SLC20A2: variants seen among roughly 807,000 people sequenced by gnomAD.
SLC20A2 encodes solute carrier family 20 member 2, also known as sodium-dependent phosphate transporter 2.
A neutral mutation model predicts 61.0 loss-of-function variants in SLC20A2; 30 were observed. That is an observed-to-expected ratio of 0.49 (90% confidence interval 0.37 to 0.67). The LOEUF (loss-of-function observed/expected upper bound fraction) is 0.67. Among genes scored for constraint, SLC20A2 ranks in the 30% least tolerant of loss-of-function variants. The probability of loss-of-function intolerance (pLI) is 0.00; values close to 1 mark genes in which losing one functional copy is unlikely to be tolerated. For synonymous variants in SLC20A2, 351 were observed against 353.3 expected (o/e 0.99, Z 0.07); for missense variants, 626 against 866.4 (o/e 0.72, Z 3.48).
At chr8:42,448,159 A>G (rs1805377244) in intron 5 of SLC20A2, among the ~76,000 whole-genome samples, 1 of 152,222 alleles carries the variant, frequency 6.6e-6, no homozygotes, top group South Asian at 2.1e-4. Flanking sequence ...GATCCCACGC[A>G]TGGCTTCAAA....
intron 1 of SLC20A2, among the ~76,000 whole-genome samples, chr8:42,499,110 C>T (rs1305465984): frequency 6.6e-6 from 1 of 152,170 alleles, no homozygotes; most frequent in East Asian, 1.9e-4. Context: ...AACAGGACTG[C>T]AGGGGAGACG....
intron 1 of SLC20A2, among the ~76,000 whole-genome samples, chr8:42,517,524 C>T (rs1407569948): frequency 6.6e-6 from 1 of 151,870 alleles, no homozygotes; most frequent in East Asian, 1.9e-4. Flanking sequence ...CAGCAAGAGC[C>T]CCTTTGAAAA....
intron 5 of SLC20A2, among the ~76,000 whole-genome samples, chr8:42,453,411 A>C (rs112265444): frequency 0.016 from 2,446 of 152,336 alleles, 26 homozygotes; most frequent in Non-Finnish European, 0.028. Flanking sequence ...AGTCATGTCA[A>C]ATGTAAAGTA....
intron 1 of SLC20A2, among the ~76,000 whole-genome samples, chr8:42,487,935 T>A (rs2131300835): frequency 6.6e-6 from 1 of 152,242 alleles, no homozygotes; most frequent in South Asian, 2.1e-4. Context: ...CCACCAACAT[T>A]CTACCCTTAG....
intron 10 of SLC20A2, among the ~76,000 whole-genome samples, chr8:42,419,260 A>G (rs1802884955): frequency 6.6e-6 from 1 of 151,988 alleles, no homozygotes; most frequent in African/African-American, 2.4e-5. Flanking sequence ...AATGTTTATG[A>G]CGATGGCTAT....
intron 8 of SLC20A2, among the ~76,000 whole-genome samples, chr8:42,436,053 T>C (rs953411173): frequency 6.6e-6 from 1 of 151,772 alleles, no homozygotes; most frequent in South Asian, 2.1e-4. Context: ...GAGAAGGAGG[T>C]TGCAGTGAGC....
chr8:42,435,685 C>T (rs1452830565), intron 8 of SLC20A2, among the ~76,000 whole-genome samples: 1 of 152,206 alleles, frequency 6.6e-6, no homozygotes, highest in Non-Finnish European at 1.5e-5. Flanking sequence ...TCCCTACACA[C>T]TCATTTGCAG....
chr8:42,510,363 C>A (rs1024266462), intron 1 of SLC20A2, among the ~76,000 whole-genome samples: 1 of 152,148 alleles, frequency 6.6e-6, no homozygotes, highest in Admixed American at 6.5e-5. Context: ...GGCTTATTGT[C>A]AATTCTGTAT....
At chr8:42,525,964 A>C (rs1811906764) in intron 1 of SLC20A2, among the ~76,000 whole-genome samples, 1 of 152,182 alleles carries the variant, frequency 6.6e-6, no homozygotes. Flanking sequence ...AAAGAAATGG[A>C]GGAGATAGAT....
intron 1 of SLC20A2, among the ~76,000 whole-genome samples, chr8:42,511,496 G>A (rs564471408): frequency 5.9e-5 from 9 of 152,062 alleles, no homozygotes; most frequent in South Asian, 2.1e-4. Context: ...GCGTGGTAGC[G>A]GGTGCCTGTA....
intron 4 of SLC20A2, among the ~76,000 whole-genome samples, chr8:42,461,609 C>T (rs2131167325): frequency 6.6e-6 from 1 of 152,098 alleles, no homozygotes; most frequent in Middle Eastern, 3.4e-3. Flanking sequence ...CACCACCATG[C>T]CGGGCTAACT....
intron 2 of SLC20A2, among the ~76,000 whole-genome samples, chr8:42,467,111 C>T (rs1299484743): frequency 3.9e-5 from 6 of 152,114 alleles, no homozygotes; most frequent in Non-Finnish European, 8.8e-5. Context: ...TGAGCCACTG[C>T]ACCCAGCCCA....
At chr8:42,451,453 GGAGGAA>G (rs1169922955) in intron 5 of SLC20A2, among the ~76,000 whole-genome samples, 1 of 150,190 alleles carries the variant, frequency 6.7e-6, no homozygotes, top group Non-Finnish European at 1.5e-5. Context: ...AAAAGATGGA[GGAGGAA>G]GAGGAAGAGA....
intron 8 of SLC20A2, among the ~76,000 whole-genome samples, chr8:42,436,559 C>A (rs1202477620): frequency 2.0e-5 from 3 of 152,180 alleles, no homozygotes; most frequent in Admixed American, 2.0e-4. Context: ...GCTCCCCTCT[C>A]GAGGCGAGGC....
chr8:42,474,979 G>C (rs1031602584), intron 1 of SLC20A2, among the ~76,000 whole-genome samples: 1 of 152,052 alleles, frequency 6.6e-6, no homozygotes, highest in African/African-American at 2.4e-5. Context: ...GGGAAGGAGG[G>C]GCCAGGAGGC....
intron 5 of SLC20A2, among the ~76,000 whole-genome samples, chr8:42,454,104 T>C (rs370124517): frequency 2.0e-5 from 3 of 152,168 alleles, no homozygotes; most frequent in African/African-American, 7.2e-5. Context: ...ACTAGGTTCA[T>C]GCCATTCTCC....
At chr8:42,539,096 C>T (rs1812890959) in intron 1 of SLC20A2, among the ~76,000 whole-genome samples, 1 of 152,144 alleles carries the variant, frequency 6.6e-6, no homozygotes. Flanking sequence ...CTCTCAACTC[C>T]TCCCCTCCCC....
chr8:42,481,820 G>A (rs1382340230), intron 1 of SLC20A2, among the ~76,000 whole-genome samples: 1 of 152,134 alleles, frequency 6.6e-6, no homozygotes, highest in Non-Finnish European at 1.5e-5. Context: ...TCCTGCTTCG[G>A]ACCCTGAGGG....
At chr8:42,447,502 C>T (rs1002278503) in intron 5 of SLC20A2, among the ~76,000 whole-genome samples, 3 of 151,682 alleles carry the variant, frequency 2.0e-5, no homozygotes, top group Non-Finnish European at 4.4e-5. Flanking sequence ...ACGGTGAAAC[C>T]CCGTCTCTAC....
Sources: gnomAD v4.1 joint callset for allele counts (sites outside exome capture counted in the v4.1 genomes callset) on GRCh38, gnomAD v4.1.1 for gene constraint, MANE v1.5 for transcripts, NCBI Gene and HGNC (gene_info 2026-07-23, HGNC 2026-07-21) for gene names.